FHIT: variants seen among roughly 807,000 people sequenced by gnomAD.
FHIT encodes fragile histidine triad diadenosine triphosphatase, also known as bis(5'-adenosyl)-triphosphatase.
FHIT carries 19 observed loss-of-function variants against 17.9 expected under a neutral mutation model. The ratio of observed to expected loss-of-function variants is 1.06; its 90% CI spans 0.74 to 1.56. The LOEUF (loss-of-function observed/expected upper bound fraction) is 1.56, where lower values mean the gene tolerates loss of function less well. Ranked by LOEUF, FHIT falls within the 40% of genes most tolerant of loss-of-function variation. The pLI is 0.00. For synonymous variants in FHIT, 81 were observed against 69.7 expected (o/e 1.16, Z -0.81); for missense variants, 248 against 189.2 (o/e 1.31, Z -1.82).
intron 5 of FHIT, among the ~76,000 whole-genome samples, chr3:60,441,456 T>A (rs1342695994): frequency 6.6e-6 from 1 of 151,654 alleles, no homozygotes; most frequent in Non-Finnish European, 1.5e-5. Flanking sequence ...AACAACAAAA[T>A]CTTTAAAAAA....
intron 8 of FHIT, among the ~76,000 whole-genome samples, chr3:59,900,210 G>A (rs907036610): frequency 6.6e-6 from 1 of 152,166 alleles, no homozygotes; most frequent in African/African-American, 2.4e-5. Context: ...TTAAGCAACA[G>A]ACTTTCTTGG....
rs192410481 is a variant in FHIT at position 60,931,401 on chromosome 3, T to G, written c.-110-109390A>C. ...ATAAAAATAAAACATATTCACATAT[T>G]TACGTATTCATGTATTTAAAATATA... is the stretch of plus-strand genomic sequence containing the variant. On this transcript the variant is annotated intron_variant, in intron 3 of 9. Transcript: ENST00000492590. Among the ~76,000 whole-genome samples the G allele has an allele frequency of 1.6e-3, 249 of 152,332 alleles. 3 individuals are homozygous for G. Among genetic ancestry groups the G allele is most frequent in the East Asian group, 8.5e-3 (44 of 5,184 alleles).
At chr3:60,185,313 T>C (rs1702112935) in intron 5 of FHIT, among the ~76,000 whole-genome samples, 1 of 152,118 alleles carries the variant, frequency 6.6e-6, no homozygotes, top group African/African-American at 2.4e-5. Context: ...TCAGTAACAA[T>C]GATTTGTTTA....
chr3:60,210,768 G>A (rs1183333111), intron 5 of FHIT, among the ~76,000 whole-genome samples: 2 of 152,002 alleles, frequency 1.3e-5, no homozygotes, highest in African/African-American at 4.8e-5. Context: ...CAGACTTAGG[G>A]AACTAGGAAT....
chr3:60,028,356 G>C (rs57362975), intron 5 of FHIT, among the ~76,000 whole-genome samples: 1,763 of 152,232 alleles, frequency 0.012, 32 homozygotes, highest in African/African-American at 0.04. Context: ...TGGGTCATTG[G>C]GTAAAGTACA....
chr3:60,860,686 A>C (rs1200575155), intron 3 of FHIT, among the ~76,000 whole-genome samples: 1 of 116,852 alleles, frequency 8.6e-6, no homozygotes, highest in Non-Finnish European at 1.9e-5. Context: ...GTACATATAT[A>C]TCAGGTATAT....
At chr3:60,623,527 C>A (rs72889666) in intron 4 of FHIT, among the ~76,000 whole-genome samples, 2,346 of 152,168 alleles carry the variant, frequency 0.015, 68 homozygotes, top group African/African-American at 0.054. Flanking sequence ...TGTGTTCTGA[C>A]CTCAAGTGAA....
At chr3:61,109,544 T>C (rs2036091606) in intron 2 of FHIT, among the ~76,000 whole-genome samples, 1 of 152,180 alleles carries the variant, frequency 6.6e-6, no homozygotes, top group South Asian at 2.1e-4. Context: ...CACTGGACTC[T>C]CTCCCCTGTA....
intron 5 of FHIT, among the ~76,000 whole-genome samples, chr3:60,160,133 T>C (rs914228183): frequency 6.9e-6 from 1 of 144,736 alleles, no homozygotes; most frequent in Non-Finnish European, 1.5e-5. Context: ...TATGTGTGTG[T>C]GTGTGTGTGT....
intron 5 of FHIT, among the ~76,000 whole-genome samples, chr3:60,084,500 T>C (rs902118739): frequency 1.3e-5 from 2 of 152,132 alleles, no homozygotes; most frequent in Admixed American, 1.3e-4. Flanking sequence ...AAAAACATAA[T>C]TATATAAGCT....
At chr3:60,836,456 T>C (rs79878661) in intron 3 of FHIT, among the ~76,000 whole-genome samples, 4,377 of 152,308 alleles carry the variant, frequency 0.029, 214 homozygotes, top group African/African-American at 0.1. Context: ...TTAATAGTTA[T>C]GGGCTTTTAA....
intron 5 of FHIT, among the ~76,000 whole-genome samples, chr3:60,034,851 A>G (rs905828752): frequency 1.3e-5 from 2 of 152,224 alleles, no homozygotes; most frequent in African/African-American, 4.8e-5. Context: ...AACTTCAGAA[A>G]TAAGATTTCA....
intron 5 of FHIT, among the ~76,000 whole-genome samples, chr3:60,391,724 A>T (rs1365828259): frequency 6.6e-6 from 1 of 152,210 alleles, no homozygotes; most frequent in African/African-American, 2.4e-5. Context: ...GATTTGTGTA[A>T]GTAACTATGA....
chr3:61,021,281 A>G (rs557543051), intron 3 of FHIT, among the ~76,000 whole-genome samples: 22 of 152,348 alleles, frequency 1.4e-4, no homozygotes, highest in Admixed American at 1.0e-3. Flanking sequence ...AAGTGGAAGT[A>G]AAACACTCCT....
intron 2 of FHIT, among the ~76,000 whole-genome samples, chr3:61,098,816 G>C (rs796450484): frequency 5.9e-5 from 9 of 152,344 alleles, no homozygotes; most frequent in African/African-American, 2.2e-4. Flanking sequence ...CTGAGACTTT[G>C]CTGAAGTTGT....
intron 5 of FHIT, among the ~76,000 whole-genome samples, chr3:60,340,905 T>A (rs1710483570): frequency 6.6e-6 from 1 of 152,316 alleles, no homozygotes; most frequent in South Asian, 2.1e-4. Context: ...TAGGCCAGGC[T>A]GGTCTCTAAC....
At chr3:60,180,007 G>A (rs1490387701) in intron 5 of FHIT, among the ~76,000 whole-genome samples, 1 of 152,122 alleles carries the variant, frequency 6.6e-6, no homozygotes, top group African/African-American at 2.4e-5. Flanking sequence ...GGGACTATAT[G>A]TAATATATTT....
chr3:60,850,643 C>G lies in FHIT; in HGVS notation c.-110-28632G>C, dbSNP rs533451554. 2.0e-5 allele frequency among the ~76,000 whole-genome samples: 3 copies of G among 152,074 alleles called. No individual in the cohort carries two copies. The East Asian group carries it at 5.8e-4, about 29-fold the overall frequency. On this transcript the variant is annotated intron_variant, in intron 3 of 9. Transcript: ENST00000492590. ...CCACTTGTTTATCCAGAGCCAGGTG[C>G]CTGTCCAAAGTAGATGCACACCTGC...
chr3:60,473,139 T>G (rs2107453398), intron 5 of FHIT, among the ~76,000 whole-genome samples: 1 of 152,334 alleles, frequency 6.6e-6, no homozygotes, highest in South Asian at 2.1e-4. Context: ...AAAGAAATTT[T>G]GACAAATAGG....
Sources: allele counts gnomAD v4.1 joint callset (sites outside exome capture counted in the v4.1 genomes callset), GRCh38; gene constraint gnomAD v4.1.1; transcripts MANE v1.5; gene names NCBI Gene and HGNC (gene_info 2026-07-23, HGNC 2026-07-21).